Variants in SH3GL3 observed in about 807,000 individuals in gnomAD.
The protein encoded by SH3GL3 is SH3 domain containing GRB2 like 3, endophilin A3.
In SH3GL3, 33 loss-of-function variants were observed where a neutral mutation model predicts 47.7. The ratio of observed to expected loss-of-function variants is 0.69; its 90% CI spans 0.52 to 0.92. The LOEUF (loss-of-function observed/expected upper bound fraction) is 0.92, where lower values mean the gene tolerates loss of function less well. SH3GL3 is among the 40% of genes least tolerant of loss of function. The pLI, the probability that SH3GL3 is intolerant of heterozygous loss-of-function variation, is 0.00. For missense variants in SH3GL3, 363 were observed against 417.8 expected (o/e 0.87, Z 1.14); for synonymous variants, 155 against 148.8 (o/e 1.04, Z -0.30).
At chr15:83,536,109 G>A (rs1431413381) in intron 1 of SH3GL3, among the ~76,000 whole-genome samples, 3 of 152,220 alleles carry the variant, frequency 2.0e-5, no homozygotes. Flanking sequence ...TAATTTCTAT[G>A]TGTGAGAGCT....
At chr15:83,518,202 T>C (rs571292587) in intron 1 of SH3GL3, among the ~76,000 whole-genome samples, 14 of 152,360 alleles carry the variant, frequency 9.2e-5, no homozygotes, top group Non-Finnish European at 1.6e-4. Context: ...TGAACATACA[T>C]GTGCATGTGT....
At chr15:83,526,618 A>G (rs2043431528) in intron 1 of SH3GL3, among the ~76,000 whole-genome samples, 1 of 152,124 alleles carries the variant, frequency 6.6e-6, no homozygotes, top group Admixed American at 6.5e-5. Context: ...AAATGATGAG[A>G]ACACATGGAC....
intron 1 of SH3GL3, among the ~76,000 whole-genome samples, chr15:83,516,257 T>C (rs1229720868): frequency 6.6e-6 from 1 of 152,136 alleles, no homozygotes; most frequent in Non-Finnish European, 1.5e-5. Context: ...TGTTACCCCA[T>C]CAAGGACAAG....
At chr15:83,482,735 A>G (rs4577046) in intron 1 of SH3GL3, among the ~76,000 whole-genome samples, 121,748 of 151,962 alleles carry the variant, frequency 0.8, 48,767 homozygotes, top group Admixed American at 0.82. Flanking sequence ...CAGGTGATCC[A>G]CCCACCTCAG....
intron 1 of SH3GL3, among the ~76,000 whole-genome samples, chr15:83,486,008 A>G (rs1014672147): frequency 3.3e-5 from 5 of 152,162 alleles, no homozygotes; most frequent in African/African-American, 4.8e-5. Context: ...TTCATTCCCA[A>G]TACTTCAGTA....
chr15:83,551,152 C>T (rs1432561884), intron 1 of SH3GL3, among the ~76,000 whole-genome samples: 7 of 152,130 alleles, frequency 4.6e-5, no homozygotes, highest in Non-Finnish European at 5.9e-5. Context: ...TGTCACTGCT[C>T]GGTTGTAGGC....
intron 1 of SH3GL3, among the ~76,000 whole-genome samples, chr15:83,450,956 T>G: frequency 1.1e-5 from 1 of 90,982 alleles, no homozygotes; most frequent in Non-Finnish European, 2.1e-5. Context: ...CCCTCCCCCC[T>G]CCCCCGACCC....
chr15:83,616,963 T>G (rs1037838603), intron 8 of SH3GL3, among the ~76,000 whole-genome samples: 2 of 152,172 alleles, frequency 1.3e-5, no homozygotes, highest in East Asian at 3.9e-4. Context: ...TGAAAGATAT[T>G]CACCCTAGCT....
intron 1 of SH3GL3, among the ~76,000 whole-genome samples, chr15:83,518,240 T>C (rs1208760977): frequency 1.3e-5 from 2 of 152,216 alleles, no homozygotes; most frequent in Non-Finnish European, 2.9e-5. Flanking sequence ...TTATTTTCCT[T>C]TGGGTATATG....
rs1272489054 is a variant in SH3GL3 at position 83,490,712 on chromosome 15, G to T, written c.45+43134G>T. 2.0e-6 allele frequency: 3 copies of T among 1,500,326 alleles called. No homozygotes were observed. In the South Asian group the frequency reaches 3.8e-5, roughly 19 times the overall value. The allele number at this position is 1,500,326 out of a possible 1,614,324, so 92.9% of individuals were successfully genotyped here. ...GAAAACAGACCAAGCTCTCACAAGGGCAATATCATCCTTTGGAATTTGTTC... is the reference window on the plus strand; with the variant it reads ...GAAAACAGACCAAGCTCTCACAAGGTCAATATCATCCTTTGGAATTTGTTC... On this transcript the variant is annotated intron_variant, in intron 1 of 8. Transcript: ENST00000427482.
rs767942529 is a variant in SH3GL3, at chr15:83,576,674, C to T, written c.557C>T (p.Ala186Val). ...ATACCAGACGAAGAAGTCAGACAAGCGGTAGAAAAATTTGAAGAGTCAAAG... is the reference window on the plus strand; with the variant it reads ...ATACCAGACGAAGAAGTCAGACAAGTGGTAGAAAAATTTGAAGAGTCAAAG... Reference protein sequence around the residue: ...GKIPDEEVRQAVEKFEESKEL... With the variant: ...GKIPDEEVRQVVEKFEESKEL... The change falls in exon 6 of 9, where the codon GCG becomes GTG. Residue 186 changes from alanine (A) to valine (V), a missense_variant. Physicochemically the swap from Ala to Val is moderately conservative, Grantham distance 64 (BLOSUM62 0). Coordinates refer to ENST00000427482, the MANE Select transcript of SH3GL3 (RefSeq NM_003027.5). 1.7e-5 allele frequency: 27 copies of T among 1,612,732 alleles called. No individual in the cohort carries two copies. Among genetic ancestry groups the T allele is most frequent in the African/African-American group, 5.4e-5 (4 of 74,756 alleles).
intron 2 of SH3GL3, among the ~76,000 whole-genome samples, chr15:83,563,745 T>C (rs1399827108): frequency 6.6e-6 from 1 of 152,100 alleles, no homozygotes; most frequent in Non-Finnish European, 1.5e-5. Flanking sequence ...TTCAAGCGAT[T>C]CTCCCACCTC....
chr15:83,508,159 C>G (rs2042591724), intron 1 of SH3GL3, among the ~76,000 whole-genome samples: 1 of 152,140 alleles, frequency 6.6e-6, no homozygotes, highest in East Asian at 1.9e-4. Context: ...CTAGGATGGT[C>G]TCGATCTCCT....
At chr15:83,552,235 C>T (rs962125679) in intron 1 of SH3GL3, among the ~76,000 whole-genome samples, 9 of 152,152 alleles carry the variant, frequency 5.9e-5, no homozygotes, top group African/African-American at 4.8e-5. Context: ...GATTGAATGA[C>T]GTGGTGTCAG....
At chr15:83,621,980 T>TACACACAC (rs142805476), downstream of SH3GL3, among the ~76,000 whole-genome samples, 73 of 151,410 alleles carry the variant, frequency 4.8e-4, no homozygotes, top group African/African-American at 9.2e-4. Flanking sequence ...CAGCCAGCTA[T>TACACACAC]ACACACACAC....
At chr15:83,460,012 TCCCGTCCCCTC>T (rs1443170485) in intron 1 of SH3GL3, among the ~76,000 whole-genome samples, 4 of 44,482 alleles carry the variant, frequency 9.0e-5, no homozygotes, top group African/African-American at 3.7e-4. Flanking sequence ...TCCCCTCCCC[TCCCGTCCCCTC>T]CCCTCCCTCC....
intron 1 of SH3GL3, among the ~76,000 whole-genome samples, chr15:83,545,888 T>A (rs2044368684): frequency 1.3e-5 from 2 of 152,218 alleles, no homozygotes; most frequent in Admixed American, 1.3e-4. Context: ...AAATGCAATC[T>A]CTCTCTCCAT....
intron 1 of SH3GL3, among the ~76,000 whole-genome samples, chr15:83,491,811 T>C (rs1338313818): frequency 3.3e-5 from 5 of 152,170 alleles, no homozygotes; most frequent in South Asian, 2.1e-4. Flanking sequence ...CTTGGGAATA[T>C]GCTGAATCAA....
At chr15:83,604,204 A>C (rs1047939031) in intron 8 of SH3GL3, among the ~76,000 whole-genome samples, 1 of 152,142 alleles carries the variant, frequency 6.6e-6, no homozygotes, top group Admixed American at 6.6e-5. Flanking sequence ...TTTGACAGTG[A>C]GTTCAACCTC....
Sources: allele counts gnomAD v4.1 joint callset (sites outside exome capture counted in the v4.1 genomes callset), GRCh38; gene constraint gnomAD v4.1.1; transcripts MANE v1.5; gene names NCBI Gene and HGNC (gene_info 2026-07-23, HGNC 2026-07-21).